RASGRF2: variants seen among roughly 807,000 people sequenced by gnomAD.
The protein encoded by RASGRF2 is Ras protein specific guanine nucleotide releasing factor 2, also known as ras-specific guanine nucleotide-releasing factor 2.
A neutral mutation model predicts 151.0 loss-of-function variants in RASGRF2; 76 were observed. That is an observed-to-expected ratio of 0.50 (90% CI 0.42 to 0.61). The LOEUF (loss-of-function observed/expected upper bound fraction) is 0.61, where lower values mean the gene tolerates loss of function less well. Ranked by LOEUF, RASGRF2 falls within the 20% of genes least tolerant of loss-of-function variation. The pLI, the probability that RASGRF2 is intolerant of heterozygous loss-of-function variation, is 0.00. For synonymous variants in RASGRF2, 504 were observed against 566.5 expected (o/e 0.89, Z 1.57); for missense variants, 1,148 against 1,564.6 (o/e 0.73, Z 4.49).
intron 1 of RASGRF2, among the ~76,000 whole-genome samples, chr5:80,980,085 A>G (rs1416988948): frequency 6.6e-6 from 1 of 152,162 alleles, no homozygotes; most frequent in Non-Finnish European, 1.5e-5. Flanking sequence ...CAGTTTGGTA[A>G]TTTTAGCCCA....
At chr5:80,984,299 C>T (rs1220082165) in intron 1 of RASGRF2, among the ~76,000 whole-genome samples, 1 of 152,196 alleles carries the variant, frequency 6.6e-6, no homozygotes, top group African/African-American at 2.4e-5. Context: ...AGTGATCCAC[C>T]CGCCTCGGCC....
At chr5:81,027,210 C>G (rs758501870) in intron 1 of RASGRF2, among the ~76,000 whole-genome samples, 1 of 152,138 alleles carries the variant, frequency 6.6e-6, no homozygotes, top group Non-Finnish European at 1.5e-5. Flanking sequence ...TTTGTTAAAA[C>G]CCATAGAACC....
At chr5:80,983,558 T>C (rs1748381474) in intron 1 of RASGRF2, among the ~76,000 whole-genome samples, 1 of 152,248 alleles carries the variant, frequency 6.6e-6, no homozygotes, top group Non-Finnish European at 1.5e-5. Flanking sequence ...CAGAATATCT[T>C]TGATTTTGCC....
chr5:81,144,056 A>G (rs567614997), intron 17 of RASGRF2, among the ~76,000 whole-genome samples: 6 of 152,216 alleles, frequency 3.9e-5, no homozygotes, highest in Non-Finnish European at 8.8e-5. Flanking sequence ...AGCCTCAAAA[A>G]TATACAATGA....
intron 17 of RASGRF2, among the ~76,000 whole-genome samples, chr5:81,137,868 C>A (rs1317519518): frequency 6.6e-6 from 1 of 152,176 alleles, no homozygotes; most frequent in African/African-American, 2.4e-5. Flanking sequence ...TTTCTTCTTG[C>A]CTTTTGGCAT....
chr5:81,037,761 A>C (rs1160864670), intron 1 of RASGRF2, among the ~76,000 whole-genome samples: 3 of 152,230 alleles, frequency 2.0e-5, no homozygotes, highest in Non-Finnish European at 4.4e-5. Context: ...GATTAAAAAA[A>C]GTCAAAATAA....
At chr5:81,103,380 C>A (rs1240685865) in intron 12 of RASGRF2, among the ~76,000 whole-genome samples, 2 of 151,668 alleles carry the variant, frequency 1.3e-5, no homozygotes, top group Non-Finnish European at 2.9e-5. Context: ...AATATAGATT[C>A]TATATTCTAG....
chr5:80,991,028 A>AT (rs1373722671), intron 1 of RASGRF2, among the ~76,000 whole-genome samples: 1 of 152,176 alleles, frequency 6.6e-6, no homozygotes, highest in Non-Finnish European at 1.5e-5. Flanking sequence ...GGGACCCATT[A>AT]TTTTTGTCAG....
rs187391569 is a variant in RASGRF2 at position 81,003,517 on chromosome 5, C to T, written c.289-39360C>T. On this transcript the variant is annotated intron_variant, in intron 1 of 26. Transcript: ENST00000265080. ...GGATTACAGGCGTGAGCCACTGCGCCCGGCATGCTAATTTTTGTATTTTTA... is the reference window on the plus strand; with the variant it reads ...GGATTACAGGCGTGAGCCACTGCGCTCGGCATGCTAATTTTTGTATTTTTA... 9.1e-4 allele frequency among the ~76,000 whole-genome samples: 138 copies of T among 152,232 alleles called. No homozygotes were observed. In the East Asian group the frequency reaches 0.025, roughly 28 times the overall value.
chr5:81,227,648 CACCTCAAGGTCT>C lies in RASGRF2; in HGVS notation c.*1879_*1890del, dbSNP rs2112762807. 6.6e-6 allele frequency: 1 copy of C among 152,328 alleles called. No individual in the cohort carries two copies. Among genetic ancestry groups the C allele is most frequent in the Admixed American group, 6.5e-5 (1 of 15,296 alleles). 9.4% of individuals were successfully genotyped at this position (152,328 alleles called of 1,614,324 possible). ...AATAATATGTATCAGTTGCACCAAA[CACCTCAAGGTCT>C]TGCAGAAGAAAAGTAAAGGTTAGCT... On this transcript the variant is annotated 3_prime_UTR_variant, in exon 27 of 27. Transcript: ENST00000265080.
intron 1 of RASGRF2, among the ~76,000 whole-genome samples, chr5:81,038,997 A>G (rs1750597115): frequency 6.6e-6 from 1 of 152,164 alleles, no homozygotes; most frequent in Non-Finnish European, 1.5e-5. Context: ...ATTTTAATGC[A>G]ATCAACATTT....
chr5:81,081,569 T>C (rs1418688183), intron 7 of RASGRF2, among the ~76,000 whole-genome samples: 2 of 152,176 alleles, frequency 1.3e-5, no homozygotes, highest in African/African-American at 4.8e-5. Flanking sequence ...AGTGTTCCCA[T>C]TGTGGAATTT....
At chr5:81,132,440 G>A (rs1753646818) in intron 17 of RASGRF2, among the ~76,000 whole-genome samples, 1 of 152,190 alleles carries the variant, frequency 6.6e-6, no homozygotes, top group African/African-American at 2.4e-5. Flanking sequence ...GGTGATACCA[G>A]TCTCTTCAAG....
chr5:81,205,357 G>C (rs1464938732), intron 19 of RASGRF2, among the ~76,000 whole-genome samples: 1 of 152,212 alleles, frequency 6.6e-6, no homozygotes, highest in South Asian at 2.1e-4. Flanking sequence ...ACAACCCTGA[G>C]CAACTTAGTC....
At chr5:80,969,334 C>T (rs1331037871) in intron 1 of RASGRF2, among the ~76,000 whole-genome samples, 1 of 151,694 alleles carries the variant, frequency 6.6e-6, no homozygotes, top group Admixed American at 6.6e-5. Context: ...CAGGGTTTCA[C>T]CATGTTGGTC....
intron 1 of RASGRF2, among the ~76,000 whole-genome samples, chr5:80,968,624 G>A (rs1024273097): frequency 2.0e-4 from 30 of 152,166 alleles, no homozygotes; most frequent in African/African-American, 7.0e-4. Flanking sequence ...AGACATAAAG[G>A]AGATGGAATT....
At chr5:81,045,113 T>G (rs1235674394) in intron 2 of RASGRF2, among the ~76,000 whole-genome samples, 1 of 152,182 alleles carries the variant, frequency 6.6e-6, no homozygotes, top group Non-Finnish European at 1.5e-5. Context: ...AATGACTTGC[T>G]GTAGAAAGAA....
At chr5:81,012,763 G>C (rs1749509728) in intron 1 of RASGRF2, among the ~76,000 whole-genome samples, 2 of 152,020 alleles carry the variant, frequency 1.3e-5, no homozygotes, top group South Asian at 4.2e-4. Flanking sequence ...GCTGTCTAGG[G>C]GATCCTGTAC....
intron 3 of RASGRF2, 45 bp downstream of exon 3, chr5:81,068,224 CG>C: frequency 6.3e-7 from 1 of 1,578,582 alleles, no homozygotes. Flanking sequence ...TCACGTTTAC[CG>C]TCATTTCCTC....
Sources: gnomAD v4.1 joint callset for allele counts (sites outside exome capture counted in the v4.1 genomes callset) on GRCh38, gnomAD v4.1.1 for gene constraint, MANE v1.5 for transcripts, NCBI Gene and HGNC (gene_info 2026-07-23, HGNC 2026-07-21) for gene names.